Variants in TTC29 observed in about 807,000 individuals in gnomAD.
TTC29 encodes tetratricopeptide repeat domain 29, also known as tetratricopeptide repeat protein 29.
In TTC29, 49 loss-of-function variants were observed where a neutral mutation model predicts 58.1. The ratio of observed to expected loss-of-function variants is 0.84; its 90% CI spans 0.67 to 1.07. The LOEUF is 1.07. Among genes scored for constraint, TTC29 ranks in the 50% least tolerant of loss-of-function variants. The pLI is 0.00. For missense variants in TTC29, 582 were observed against 555.6 expected, an observed-to-expected ratio of 1.05 and a Z score of -0.48; for synonymous variants, 209 against 196.8, an observed-to-expected ratio of 1.06 and a Z score of -0.52.
At chr4:146,853,037 AC>A (rs1209027706) in intron 8 of TTC29, among the ~76,000 whole-genome samples, 1 of 152,196 alleles carries the variant, frequency 6.6e-6, no homozygotes, top group Non-Finnish European at 1.5e-5. Flanking sequence ...TCAATCCTAT[AC>A]TAAAGATTTT....
chr4:146,849,544 C>CA (rs528370907), intron 8 of TTC29, among the ~76,000 whole-genome samples: 127 of 152,248 alleles, frequency 8.3e-4, no homozygotes, highest in African/African-American at 3.0e-3. Context: ...CTTGTCTGGT[C>CA]ACAGTGTTGC....
chr4:146,920,405 T>C (rs1321546759), intron 4 of TTC29, among the ~76,000 whole-genome samples: 1 of 151,060 alleles, frequency 6.6e-6, no homozygotes, highest in African/African-American at 2.4e-5. Flanking sequence ...ATAGTATACA[T>C]TGAGTTGTAA....
At chr4:146,912,911 G>A (rs756761015) in intron 4 of TTC29, among the ~76,000 whole-genome samples, 1 of 152,144 alleles carries the variant, frequency 6.6e-6, no homozygotes, top group Non-Finnish European at 1.5e-5. Flanking sequence ...GAAGGAAAGG[G>A]AGGAGCAAGG....
chr4:146,723,518 G>A (rs541640026), intron 11 of TTC29, among the ~76,000 whole-genome samples: 54 of 152,098 alleles, frequency 3.6e-4, no homozygotes, highest in African/African-American at 1.3e-3. Flanking sequence ...AATCTATAAG[G>A]AACTTAATTA....
chr4:146,759,949 G>C (rs534620968), intron 11 of TTC29, among the ~76,000 whole-genome samples: 3 of 152,168 alleles, frequency 2.0e-5, no homozygotes, highest in African/African-American at 7.2e-5. Context: ...AATCAGACAA[G>C]AGAAGGAAAT....
chr4:146,758,606 A>T (rs1283657480), intron 11 of TTC29, among the ~76,000 whole-genome samples: 1 of 152,160 alleles, frequency 6.6e-6, no homozygotes, highest in East Asian at 1.9e-4. Context: ...ACAAGCCTCA[A>T]TTAATTTAAG....
At chr4:146,714,744 A>G (rs1050374843) in intron 11 of TTC29, among the ~76,000 whole-genome samples, 1 of 152,220 alleles carries the variant, frequency 6.6e-6, no homozygotes, top group Admixed American at 6.5e-5. Flanking sequence ...TCCTCAAGGC[A>G]GAAGAAAAAT....
intron 11 of TTC29, among the ~76,000 whole-genome samples, chr4:146,790,594 G>T (rs1749377378): frequency 6.6e-6 from 1 of 151,614 alleles, no homozygotes; most frequent in Admixed American, 6.6e-5. Context: ...CCATTCCTAT[G>T]CTTAAGTAAT....
intron 6 of TTC29, among the ~76,000 whole-genome samples, chr4:146,900,441 C>A (rs1733062790): frequency 6.6e-6 from 1 of 152,074 alleles, no homozygotes. Flanking sequence ...AGCCAAGGAC[C>A]TGAGAGTGTA....
intron 11 of TTC29, among the ~76,000 whole-genome samples, chr4:146,723,253 A>G (rs1313215441): frequency 6.6e-6 from 1 of 152,152 alleles, no homozygotes; most frequent in Non-Finnish European, 1.5e-5. Context: ...GTCAAAAAAA[A>G]AAAAATTAAA....
At chr4:146,916,903 T>C (rs1363498497) in intron 4 of TTC29, among the ~76,000 whole-genome samples, 1 of 151,434 alleles carries the variant, frequency 6.6e-6, no homozygotes, top group Non-Finnish European at 1.5e-5. Context: ...GCAGGTGGCA[T>C]ACCATAGATT....
At chr4:146,901,757 A>C (rs1204309484) in intron 6 of TTC29, among the ~76,000 whole-genome samples, 10 of 152,210 alleles carry the variant, frequency 6.6e-5, no homozygotes, top group Non-Finnish European at 1.5e-4. Context: ...TAAAGTGATA[A>C]CCATTGTGTA....
intron 11 of TTC29, among the ~76,000 whole-genome samples, chr4:146,776,406 T>C (rs1748094210): frequency 6.6e-6 from 1 of 152,192 alleles, no homozygotes; most frequent in Admixed American, 6.5e-5. Flanking sequence ...TGGGCTGATG[T>C]TCCTTCAATC....
chr4:146,931,545 GCAGGTAACCTTAAGA>G (rs1215803187), intron 4 of TTC29, among the ~76,000 whole-genome samples: 3 of 152,200 alleles, frequency 2.0e-5, no homozygotes, highest in African/African-American at 7.2e-5. Context: ...ATTGGAGAAA[GCAGGTAACCTTAAGA>G]CAATACAGGT....
intron 8 of TTC29, among the ~76,000 whole-genome samples, chr4:146,865,481 G>A (rs995111278): frequency 6.6e-6 from 1 of 152,070 alleles, no homozygotes; most frequent in Non-Finnish European, 1.5e-5. Flanking sequence ...TAAACCTTGG[G>A]TACTCATGGA....
intron 3 of TTC29, among the ~76,000 whole-genome samples, chr4:146,937,920 T>G (rs1451479308): frequency 6.6e-6 from 1 of 152,144 alleles, no homozygotes; most frequent in Non-Finnish European, 1.5e-5. Flanking sequence ...CACCTTGAAA[T>G]AATTCACTTT....
chr4:146,719,336 T>C (rs1209796496), intron 11 of TTC29, among the ~76,000 whole-genome samples: 1 of 152,002 alleles, frequency 6.6e-6, no homozygotes, highest in African/African-American at 2.4e-5. Flanking sequence ...TTTGTACAGA[T>C]AAGGAAACAA....
chr4:146,717,806 A>G (rs1327494731), intron 11 of TTC29, among the ~76,000 whole-genome samples: 1 of 152,092 alleles, frequency 6.6e-6, no homozygotes, highest in Non-Finnish European at 1.5e-5. Context: ...ATTACTGACT[A>G]TATTTACCAT....
intron 11 of TTC29, among the ~76,000 whole-genome samples, chr4:146,793,578 C>T (rs562598023): frequency 1.5e-3 from 227 of 152,118 alleles, no homozygotes; most frequent in South Asian, 7.3e-3. Flanking sequence ...TTGTGTGACT[C>T]GCTTTATTGC....
Sources: gnomAD v4.1 joint callset for allele counts (sites outside exome capture counted in the v4.1 genomes callset) on GRCh38, gnomAD v4.1.1 for gene constraint, MANE v1.5 for transcripts, NCBI Gene and HGNC (gene_info 2026-07-23, HGNC 2026-07-21) for gene names.